TRAPPC9: variants seen among roughly 807,000 people sequenced by gnomAD.
The protein encoded by TRAPPC9 is trafficking protein particle complex subunit 9, also known as IKK2 binding protein.
A neutral mutation model predicts 124.0 loss-of-function variants in TRAPPC9; 83 were observed. That is an observed-to-expected ratio of 0.67 (90% CI 0.56 to 0.80). TRAPPC9 has a LOEUF of 0.80. Ranked by LOEUF, TRAPPC9 falls within the 30% of genes least tolerant of loss-of-function variation. TRAPPC9 has a pLI of 0.00. For synonymous variants in TRAPPC9, 638 were observed against 617.5 expected (o/e 1.03, Z -0.49); for missense variants, 1,302 against 1,508.3 (o/e 0.86, Z 2.27).
chr8:140,162,018 A>G (rs1009703722), intron 17 of TRAPPC9, among the ~76,000 whole-genome samples: 3 of 152,184 alleles, frequency 2.0e-5, no homozygotes, highest in Admixed American at 1.3e-4. Flanking sequence ...CTGTGGACAC[A>G]GCTGCCCGCA....
chr8:139,922,288 G>C (rs572969935), intron 19 of TRAPPC9, among the ~76,000 whole-genome samples: 94 of 152,144 alleles, frequency 6.2e-4, no homozygotes, highest in African/African-American at 2.1e-3. Context: ...GGTTCAAGCG[G>C]TTCTCCTGTT....
chr8:140,431,442 T>C (rs1340547989), intron 4 of TRAPPC9, among the ~76,000 whole-genome samples: 8 of 150,914 alleles, frequency 5.3e-5, no homozygotes, highest in Non-Finnish European at 1.2e-4. Context: ...TGAGACTCTG[T>C]CTCAAAAAAA....
At chr8:139,821,232 C>G (rs1411229791) in intron 21 of TRAPPC9, among the ~76,000 whole-genome samples, 2 of 152,238 alleles carry the variant, frequency 1.3e-5, no homozygotes, top group Non-Finnish European at 2.9e-5. Flanking sequence ...AGCCCAGCCT[C>G]TGGAGCAGCC....
chr8:140,287,945 C>T (rs1311298844), intron 12 of TRAPPC9, among the ~76,000 whole-genome samples: 4 of 152,208 alleles, frequency 2.6e-5, no homozygotes, highest in Non-Finnish European at 4.4e-5. Context: ...CGATAAACCA[C>T]GGATCCACTT....
intron 21 of TRAPPC9, among the ~76,000 whole-genome samples, chr8:139,821,577 G>GCTTCT (rs1825257055): frequency 1.3e-5 from 2 of 152,258 alleles, no homozygotes; most frequent in South Asian, 4.1e-4. Flanking sequence ...TCCAGACCGG[G>GCTTCT]CTTCTCCGAA....
chr8:140,336,343 C>A (rs757036202), intron 9 of TRAPPC9, among the ~76,000 whole-genome samples: 5 of 152,212 alleles, frequency 3.3e-5, no homozygotes, highest in Non-Finnish European at 7.3e-5. Flanking sequence ...AGATTCCCAA[C>A]CCTGGCTTGC....
At chr8:140,247,160 GACA>G (rs777847864) in intron 16 of TRAPPC9, among the ~76,000 whole-genome samples, 1 of 152,170 alleles carries the variant, frequency 6.6e-6, no homozygotes, top group Non-Finnish European at 1.5e-5. Context: ...AAGTCCTTAT[GACA>G]ACGTCTCTCT....
intron 9 of TRAPPC9, among the ~76,000 whole-genome samples, chr8:140,342,737 A>T (rs1191864647): frequency 6.6e-6 from 1 of 152,222 alleles, no homozygotes; most frequent in African/African-American, 2.4e-5. Context: ...TGCAAGGGGG[A>T]AAAACGCATG....
rs1844241528 is a variant in TRAPPC9 at position 140,087,174 on chromosome 8, C to G, written c.2557-63095G>C. Among the ~76,000 whole-genome samples the G allele has an allele frequency of 1.3e-5, 2 of 152,190 alleles. No homozygotes were observed. Among genetic ancestry groups the G allele is most frequent in the South Asian group, 4.1e-4 (2 of 4,830 alleles). On this transcript the variant is annotated intron_variant, in intron 17 of 22. Coordinates refer to ENST00000438773, the MANE Select transcript of TRAPPC9 (RefSeq NM_001160372.4). This position sits in a 1 kb window ranked among gnomAD's most constrained non-coding sequence, Gnocchi z 4.6. ...CAGCAGCTGTCATTTGCTCCTAAGC[C>G]ACGCCCCATGTTTCCAGCTTTTGAG...
intron 14 of TRAPPC9, among the ~76,000 whole-genome samples, chr8:140,278,527 G>C (rs966513298): frequency 6.6e-6 from 1 of 152,168 alleles, no homozygotes; most frequent in Non-Finnish European, 1.5e-5. Context: ...ACCACTGTGC[G>C]ACACAGAAAA....
rs111769509 is a variant in TRAPPC9, at chr8:140,225,560, A to G, written c.2432-3977T>C. 2.8e-4 allele frequency among the ~76,000 whole-genome samples: 43 copies of G among 152,324 alleles called. 2 individuals are homozygous for G. The highest frequency in any genetic ancestry group is 9.4e-4 in the African/African-American group (39 of 41,582). The stretch of plus-strand genomic sequence containing the variant: ...TATAAAATCTCTCCACGACACCATA[A>G]TGCCTGCTGTGAAGGGTACTAGTAT... On this transcript the variant is annotated intron_variant, in intron 16 of 22. Coordinates refer to ENST00000438773, the MANE Select transcript of TRAPPC9 (RefSeq NM_001160372.4).
intron 10 of TRAPPC9, among the ~76,000 whole-genome samples, chr8:140,302,230 TCAGTGACTCACGG>T (rs1302699108): frequency 6.6e-6 from 1 of 152,074 alleles, no homozygotes; most frequent in East Asian, 1.9e-4. Context: ...CCCACCACCC[TCAGTGACTCACGG>T]CAGGAGATGG....
chr8:139,757,881 C>T (rs577600597), intron 21 of TRAPPC9, among the ~76,000 whole-genome samples: 5 of 152,170 alleles, frequency 3.3e-5, no homozygotes, highest in African/African-American at 1.2e-4. Flanking sequence ...ACGGCAAGGA[C>T]GCTTTCTGCT....
At chr8:140,405,836 C>T in intron 5 of TRAPPC9, 138 bp from the exon 6 acceptor site, 1 of 923,374 alleles carries the variant, frequency 1.1e-6, no homozygotes, top group South Asian at 1.5e-5. Flanking sequence ...GTCTTCACAG[C>T]TTATATGCTT....
chr8:140,062,760 G>C (rs146093601), intron 17 of TRAPPC9, among the ~76,000 whole-genome samples: 1 of 152,048 alleles, frequency 6.6e-6, no homozygotes, highest in African/African-American at 2.4e-5. Flanking sequence ...GTGGCACCTG[G>C]CACATGGTGG....
At chr8:139,764,298 G>T (rs1820433524) in intron 21 of TRAPPC9, among the ~76,000 whole-genome samples, 1 of 152,132 alleles carries the variant, frequency 6.6e-6, no homozygotes, top group Admixed American at 6.5e-5. Flanking sequence ...GAAATGGGGT[G>T]GCTGCAGGAG....
At chr8:140,159,102 T>C (rs1287661150) in intron 17 of TRAPPC9, among the ~76,000 whole-genome samples, 2 of 152,178 alleles carry the variant, frequency 1.3e-5, no homozygotes, top group Admixed American at 1.3e-4. Flanking sequence ...GCTGGGTGCC[T>C]AAGTCCTGCT....
chr8:140,164,893 C>T (rs1404766316), intron 17 of TRAPPC9, among the ~76,000 whole-genome samples: 1 of 152,220 alleles, frequency 6.6e-6, no homozygotes. Context: ...CATCATCTCT[C>T]ACCCCCACCA....
chr8:140,178,568 G>T (rs1363408783), intron 17 of TRAPPC9, among the ~76,000 whole-genome samples: 4 of 152,092 alleles, frequency 2.6e-5, no homozygotes, highest in African/African-American at 9.7e-5. Flanking sequence ...ACATGCTCAA[G>T]ATGGACATCG....
Sources: allele counts gnomAD v4.1 joint callset (sites outside exome capture counted in the v4.1 genomes callset), GRCh38; gene constraint gnomAD v4.1.1; non-coding constraint Gnocchi (gnomAD v3.1); transcripts MANE v1.5; gene names NCBI Gene and HGNC (gene_info 2026-07-23, HGNC 2026-07-21).